ZFP64: variants seen among roughly 807,000 people sequenced by gnomAD.
ZFP64 encodes the protein ZFP64 zinc finger protein.
A neutral mutation model predicts 51.6 loss-of-function variants in ZFP64; 14 were observed. The ratio of observed to expected loss-of-function variants is 0.27; its 90% CI spans 0.18 to 0.42. The LOEUF (loss-of-function observed/expected upper bound fraction) is 0.42, where lower values mean the gene tolerates loss of function less well. Ranked by LOEUF, ZFP64 falls within the 10% of genes least tolerant of loss-of-function variation. The pLI is 1.00. For missense variants in ZFP64, 754 were observed against 906.8 expected (o/e 0.83, Z 2.16); for synonymous variants, 375 against 361.4 (o/e 1.04, Z -0.43).
chr20:52,161,389 T>C (rs1217539528), intron 4 of ZFP64, among the ~76,000 whole-genome samples: 4 of 152,092 alleles, frequency 2.6e-5, no homozygotes, highest in Non-Finnish European at 4.4e-5. Flanking sequence ...GCCTTTGAAT[T>C]ACTTTAGTTA....
At chr20:52,122,522 A>C (rs992814169) in intron 5 of ZFP64, among the ~76,000 whole-genome samples, 1 of 141,332 alleles carries the variant, frequency 7.1e-6, no homozygotes, top group Non-Finnish European at 1.5e-5. Flanking sequence ...AAAAAAAAAA[A>C]GAAATACATT....
intron 7 of ZFP64, among the ~76,000 whole-genome samples, chr20:52,094,481 G>T (rs184487733): frequency 6.6e-5 from 10 of 152,196 alleles, no homozygotes; most frequent in Admixed American, 1.3e-4. Context: ...ATAGGGCTGG[G>T]GGGGAAGGGT....
Position 52,144,023 on chromosome 20 carries a change from G to T in ZFP64, c.763+16100C>A, listed in dbSNP as rs181060572. ...CATTCCTGATTGCCTATGTAATCAT[G>T]CATTTGTTAATCCTCCTTTGAGCCT... On this transcript the variant is annotated intron_variant, in intron 5 of 8. Transcript: ENST00000361387. Among the ~76,000 whole-genome samples the T allele has an allele frequency of 2.0e-3, 289 of 143,100 alleles. 25 individuals carry two copies. The highest frequency in any genetic ancestry group is 6.7e-3 in the African/African-American group (268 of 40,128). 93.9% of individuals were successfully genotyped at this position (143,100 alleles called of 152,430 possible).
Position 52,143,172 on chromosome 20 carries a change from G to A in ZFP64, c.763+16951C>T, listed in dbSNP as rs1028456339. Reference sequence around the variant, plus strand: ...TATGCACTGGGAAATTTAAAAATACGTGTGACTCACTTTATTGTGATATTT... The same window carrying A: ...TATGCACTGGGAAATTTAAAAATACATGTGACTCACTTTATTGTGATATTT... On this transcript the variant is annotated intron_variant, in intron 5 of 8. Coordinates refer to the ZFP64 transcript ENST00000361387. 2.6e-4 allele frequency among the ~76,000 whole-genome samples: 37 copies of A among 143,346 alleles called. 2 individuals are homozygous for A. The highest frequency in any genetic ancestry group is 9.0e-4 in the African/African-American group (36 of 40,208). 94.0% of individuals were successfully genotyped at this position (143,346 alleles called of 152,430 possible). A position where few individuals can be genotyped will look rare whatever the true frequency, so the allele number is the denominator to read the frequency against.
rs1980390060 is a variant in ZFP64, at chr20:52,143,859, C to T, written c.763+16264G>A. On this transcript the variant is annotated intron_variant, in intron 5 of 8. Coordinates refer to the ZFP64 transcript ENST00000361387. ...ACCACCATGCCTGGCCATTTTATAA[C>T]TTTGCAAGTTACAGAAATAGATAGT... Among the ~76,000 whole-genome samples, 2 of 142,806 alleles carry T rather than the reference C, an allele frequency of 1.4e-5. 1 individual carries two copies. The allele number at this position is 142,806 out of a possible 152,430, so 93.7% of individuals were successfully genotyped here.
chr20:52,157,625 T>A (rs112597737), intron 5 of ZFP64, among the ~76,000 whole-genome samples: 1 of 152,234 alleles, frequency 6.6e-6, no homozygotes, highest in African/African-American at 2.4e-5. Context: ...AGAAATGCTA[T>A]GGACCAGGGA....
rs182962442 is a variant in ZFP64 at position 52,092,576 on chromosome 20, G to A, written c.977-3933C>T. 6.6e-5 allele frequency among the ~76,000 whole-genome samples: 10 copies of A among 152,346 alleles called. No homozygotes were observed. In the East Asian group the frequency reaches 1.2e-3, roughly 18 times the overall value. On this transcript the variant is annotated intron_variant, in intron 7 of 8. Coordinates refer to the ZFP64 transcript ENST00000361387. ...TTAAAAGATCGAAAACAGGCCGGGTGCAGTGGCTCACACCTGCAATCCCAA... is the reference window on the plus strand; with the variant it reads ...TTAAAAGATCGAAAACAGGCCGGGTACAGTGGCTCACACCTGCAATCCCAA...
Position 52,151,641 on chromosome 20 carries a change from C to A in ZFP64, c.*505G>T, listed in dbSNP as rs941399015. On this transcript the variant is annotated 3_prime_UTR_variant, in exon 6 of 6. Coordinates refer to ENST00000216923, the MANE Select transcript of ZFP64 (RefSeq NM_018197.3). The stretch of plus-strand genomic sequence containing the variant: ...TTAAGATTCTACAACAGTTATAATG[C>A]GACGATTCAGAGGTGGTCTCAAAGT... 1.0e-6 allele frequency: 1 copy of A among 988,878 alleles called. No homozygotes were observed. The highest frequency in any genetic ancestry group is 5.8e-5 in the Admixed American group (1 of 17,192). 61.3% of individuals were successfully genotyped at this position (988,878 alleles called of 1,614,324 possible).
At chr20:52,098,440 G>C (rs1371419496) in exon 6 of ZFP64, 7 of 1,613,950 alleles carry the variant, frequency 4.3e-6, no homozygotes, top group Admixed American at 1.7e-5. Context: ...ACTCTTACCT[G>C]GGTAGCAACA....
chr20:52,191,576 CG>C lies in ZFP64; in HGVS notation c.46+14del, dbSNP rs1984378395. ...TGGGCCCCGGAGCGCGCACTGCTCC[CG>C]GAAAAGCACTTACTTTGCACCGAGC... On this transcript the variant is annotated intron_variant, in intron 1 of 5. Coordinates refer to ENST00000216923, the MANE Select transcript of ZFP64 (RefSeq NM_018197.3). This position sits in a 1 kb window ranked among gnomAD's most constrained non-coding sequence, Gnocchi z 4.3. 6.4e-7 allele frequency: 1 copy of C among 1,573,926 alleles called. No homozygotes were observed. Among genetic ancestry groups the C allele is most frequent in the South Asian group, 1.2e-5 (1 of 86,278 alleles).
chr20:52,105,091 G>A lies in ZFP64; in HGVS notation c.764-6504C>T, dbSNP rs192366237. The stretch of plus-strand genomic sequence containing the variant: ...CGGGTCCGGAGAACCTCTGAGCACC[G>A]GCCCCCAGCCCCCGGGCGGGGCTCC... On this transcript the variant is annotated intron_variant, in intron 5 of 8. Coordinates refer to the ZFP64 transcript ENST00000361387. 13,820 of 1,394,626 alleles carry A rather than the reference G, an allele frequency of 9.9e-3. 88 individuals carry two copies. The highest frequency in any genetic ancestry group is 0.01 in the Non-Finnish European group (10,936 of 1,083,542). The allele number at this position is 1,394,626 out of a possible 1,614,324, so 86.4% of individuals were successfully genotyped here.
At chr20:52,105,133 C>T in intron 5 of ZFP64, 2 of 1,422,658 alleles carry the variant, frequency 1.4e-6, no homozygotes, top group Non-Finnish European at 1.8e-6. Flanking sequence ...GCTACTCACC[C>T]GGCTCCCCCG....
intron 8 of ZFP64, among the ~76,000 whole-genome samples, chr20:52,087,295 T>A (rs1424814200): frequency 6.6e-6 from 1 of 152,236 alleles, no homozygotes; most frequent in South Asian, 2.1e-4. Flanking sequence ...TTTCTTTTCT[T>A]CCTAGACCTG....
chr20:52,110,607 G>T (rs1219470143), intron 5 of ZFP64: 6 of 831,346 alleles, frequency 7.2e-6, no homozygotes, highest in East Asian at 2.5e-5. Flanking sequence ...GGGCCTCCAC[G>T]CCAGAGGCCC....
At chr20:52,158,580 C>G (rs1015589545) in intron 5 of ZFP64, among the ~76,000 whole-genome samples, 1 of 152,088 alleles carries the variant, frequency 6.6e-6, no homozygotes, top group Non-Finnish European at 1.5e-5. Context: ...GCAGTGTGAG[C>G]CTGTAATCCC....
chr20:52,151,995 C>G lies in ZFP64; in HGVS notation c.*151G>C, dbSNP rs1980840485. ...GACGTTGCAGTGAGCCAAGATAGCG[C>G]CACTGCACTCCAGCCTGGGAAACAG... On this transcript the variant is annotated 3_prime_UTR_variant, in exon 6 of 6. Transcript: ENST00000216923. The G allele has an allele frequency of 2.8e-6, 4 of 1,415,336 alleles. No homozygotes were observed. The highest frequency in any genetic ancestry group is 2.9e-5 in the African/African-American group (2 of 69,274). 87.7% of individuals were successfully genotyped at this position (1,415,336 alleles called of 1,614,324 possible).
intron 5 of ZFP64, among the ~76,000 whole-genome samples, chr20:52,133,487 G>A (rs1425079895): frequency 6.6e-6 from 1 of 151,964 alleles, no homozygotes; most frequent in Non-Finnish European, 1.5e-5. Context: ...AATACTATTA[G>A]AACTGATAAA....
chr20:52,115,156 A>G (rs529261027), intron 5 of ZFP64, among the ~76,000 whole-genome samples: 7 of 148,380 alleles, frequency 4.7e-5, no homozygotes, highest in African/African-American at 1.2e-4. Context: ...GTGAGCCAAG[A>G]TCACGCCACT....
intron 5 of ZFP64, chr20:52,110,657 C>G: frequency 7.4e-7 from 1 of 1,359,750 alleles, no homozygotes. Flanking sequence ...CAGCTGGCCA[C>G]CAGGCCACCT....
Sources: gnomAD v4.1 joint callset for allele counts (sites outside exome capture counted in the v4.1 genomes callset) on GRCh38, gnomAD v4.1.1 for gene constraint, Gnocchi (gnomAD v3.1) non-coding constraint, MANE v1.5 for transcripts, NCBI Gene and HGNC (gene_info 2026-07-23, HGNC 2026-07-21) for gene names.